The following KLF8 variants were observed in gnomAD, a reference collection of about 807,000 sequenced individuals.
KLF8 encodes KLF transcription factor 8, also known as Krueppel-like factor 8.
KLF8 carries 10 observed loss-of-function variants against 18.2 expected under a neutral mutation model. The ratio of observed to expected loss-of-function variants is 0.55; its 90% confidence interval spans 0.34 to 0.93. The LOEUF is 0.93. Ranked by LOEUF, KLF8 falls within the 40% of genes least tolerant of loss-of-function variation. The probability of loss-of-function intolerance (pLI) is 0.02; values close to 1 mark genes in which losing one functional copy is unlikely to be tolerated. For missense variants in KLF8, 264 were observed against 277.9 expected, an observed-to-expected ratio of 0.95 and a Z score of 0.36; for synonymous variants, 109 against 97.3, an observed-to-expected ratio of 1.12 and a Z score of -0.71.
the KLF8 span, among the ~76,000 whole-genome samples, chrX:56,002,172 G>A: frequency 1.8e-5 from 2 of 112,138 alleles, no homozygotes; most frequent in Middle Eastern, 9.3e-3. Context: ...GATCCTCAAA[G>A]TAGTTGGATA....
chrX:56,270,056 G>GCCC, intron 4 of KLF8, 126 bp from the exon 5 acceptor site: 4 of 645,792 alleles, frequency 6.2e-6, no homozygotes, highest in Non-Finnish European at 9.3e-6. Flanking sequence ...TTCTTTTTGG[G>GCCC]GGGACCTAGC....
At chrX:55,987,238 T>G in the KLF8 span, among the ~76,000 whole-genome samples, 1 of 109,424 alleles carries the variant, frequency 9.1e-6, no homozygotes, top group Non-Finnish European at 1.9e-5. Flanking sequence ...TTAGAGTACA[T>G]GTGCACAATG....
At chrX:55,930,905 A>T in the KLF8 span, among the ~76,000 whole-genome samples, 5 of 112,073 alleles carry the variant, frequency 4.5e-5, no homozygotes, top group Admixed American at 4.7e-4. Context: ...TCATAAAATG[A>T]GTTAGGGAGG....
At chrX:56,188,551 C>T in the KLF8 span, among the ~76,000 whole-genome samples, 30 of 111,725 alleles carry the variant, frequency 2.7e-4, no homozygotes, top group African/African-American at 8.1e-4. Context: ...AAAAAAGAGA[C>T]GCATCACCAA....
chrX:56,087,132 C>G, the KLF8 span, among the ~76,000 whole-genome samples: 1 of 111,434 alleles, frequency 9.0e-6, no homozygotes, highest in East Asian at 2.9e-4. Flanking sequence ...AAACAGAACA[C>G]AGGTTGCCAA....
chrX:55,997,063 C>G, the KLF8 span, among the ~76,000 whole-genome samples: 1 of 111,683 alleles, frequency 9.0e-6, no homozygotes, highest in South Asian at 3.8e-4. Context: ...TGGAAGCTCT[C>G]TGATGGTTAG....
the KLF8 span, among the ~76,000 whole-genome samples, chrX:56,011,458 G>A: frequency 9.0e-6 from 1 of 110,968 alleles, no homozygotes; most frequent in Non-Finnish European, 1.9e-5. Flanking sequence ...TCTGGATGCA[G>A]CAATGTTGAG....
chrX:55,916,871 T>C, the KLF8 span, among the ~76,000 whole-genome samples: 1 of 111,919 alleles, frequency 8.9e-6, no homozygotes, highest in Admixed American at 9.5e-5. Context: ...CACTCCTTAC[T>C]GAAGTAGCAG....
At chrX:56,052,416 T>G in the KLF8 span, among the ~76,000 whole-genome samples, 8 of 112,050 alleles carry the variant, frequency 7.1e-5, no homozygotes, top group Middle Eastern at 4.6e-3. Context: ...ACTTTTGGTC[T>G]TTGATGATGG....
At chrX:56,134,574 AAAACC>A in the KLF8 span, among the ~76,000 whole-genome samples, 1 of 111,918 alleles carries the variant, frequency 8.9e-6, no homozygotes, top group African/African-American at 3.3e-5. Flanking sequence ...TAACACTGGA[AAAACC>A]ATTCTAGATA....
chrX:56,233,421 C>T, intron 1 of KLF8, 80 bp downstream of exon 1: 1 of 747,986 alleles, frequency 1.3e-6, no homozygotes, highest in Non-Finnish European at 2.1e-6. Flanking sequence ...CCCCCTGCTC[C>T]CCCCACACAC....
chrX:55,983,064 G>T, the KLF8 span, among the ~76,000 whole-genome samples: 1,679 of 111,324 alleles, frequency 0.015, 27 homozygotes, highest in African/African-American at 0.052. Context: ...TTAAATCTGT[G>T]GTAGAAAAAG....
the KLF8 span, among the ~76,000 whole-genome samples, chrX:56,046,718 C>T: frequency 1.8e-5 from 2 of 111,468 alleles, no homozygotes; most frequent in African/African-American, 6.5e-5. Context: ...TCGATCTCTT[C>T]TAGCTTGTAG....
At chrX:55,975,352 A>C in the KLF8 span, among the ~76,000 whole-genome samples, 1 of 111,658 alleles carries the variant, frequency 9.0e-6, no homozygotes, top group Admixed American at 9.5e-5. Context: ...AGAGGAATTC[A>C]GAAAGGTAAG....
intron 2 of KLF8, among the ~76,000 whole-genome samples, chrX:56,252,265 C>T (rs1002893752): frequency 2.7e-5 from 3 of 111,533 alleles, no homozygotes; most frequent in Middle Eastern, 4.6e-3. Context: ...CTGCCCATGT[C>T]GGCCTCCCAA....
the KLF8 span, among the ~76,000 whole-genome samples, chrX:56,053,002 A>G: frequency 2.7e-5 from 3 of 111,869 alleles, no homozygotes; most frequent in Non-Finnish European, 5.6e-5. Context: ...AGAAAAGCGC[A>G]GTAGTCAGGT....
the KLF8 span, among the ~76,000 whole-genome samples, chrX:56,148,082 A>T: frequency 8.9e-6 from 1 of 112,220 alleles, no homozygotes; most frequent in South Asian, 3.7e-4. Context: ...GTGTTATGTG[A>T]ATTTTACCTC....
At chrX:56,151,644 G>A in the KLF8 span, among the ~76,000 whole-genome samples, 1 of 110,928 alleles carries the variant, frequency 9.0e-6, no homozygotes, top group African/African-American at 3.3e-5. Flanking sequence ...TGGTGGGGGT[G>A]TGGAGATCAT....
At chrX:56,139,417 C>G in the KLF8 span, among the ~76,000 whole-genome samples, 1 of 111,624 alleles carries the variant, frequency 9.0e-6, no homozygotes, top group African/African-American at 3.3e-5. Context: ...CAAGATGACA[C>G]TAACCAAAAT....
Sources: gnomAD v4.1 joint callset for allele counts (sites outside exome capture counted in the v4.1 genomes callset) on GRCh38, gnomAD v4.1.1 for gene constraint, MANE v1.5 for transcripts, NCBI Gene and HGNC (gene_info 2026-07-23, HGNC 2026-07-21) for gene names.